Variants in ERBIN observed in about 807,000 individuals in gnomAD.
The protein encoded by ERBIN is densin-180-like protein.
In ERBIN, 60 loss-of-function variants were observed where a neutral mutation model predicts 158.4. The ratio of observed to expected loss-of-function variants is 0.38; its 90% CI spans 0.31 to 0.47. The LOEUF is 0.47. ERBIN is among the 20% of genes least tolerant of loss of function. The pLI, the probability that ERBIN is intolerant of heterozygous loss-of-function variation, is 0.99. For synonymous variants in ERBIN, 594 were observed against 557.2 expected, an observed-to-expected ratio of 1.07 and a Z score of -0.93; for missense variants, 1,610 against 1,648.0, an observed-to-expected ratio of 0.98 and a Z score of 0.40.
intron 23 of ERBIN, 28 bp downstream of exon 23, chr5:66,075,258 A>C (rs1379814066): frequency 5.8e-6 from 9 of 1,557,862 alleles, no homozygotes; most frequent in Non-Finnish European, 8.0e-6. Context: ...TATTTGAAAT[A>C]TGGGACTAAG....
chr5:66,015,586 C>T (rs941717146), intron 7 of ERBIN, among the ~76,000 whole-genome samples: 1 of 152,088 alleles, frequency 6.6e-6, no homozygotes, highest in African/African-American at 2.4e-5. Context: ...TGGCCCTTTA[C>T]AGAAAAAATT....
intron 1 of ERBIN, among the ~76,000 whole-genome samples, chr5:65,972,514 T>C (rs913082030): frequency 6.6e-6 from 1 of 151,576 alleles, no homozygotes; most frequent in Non-Finnish European, 1.5e-5. Context: ...ACAGAAAAAT[T>C]TAAAGAATAT....
chr5:66,065,066 A>G (rs934491074), intron 21 of ERBIN, among the ~76,000 whole-genome samples: 3 of 152,182 alleles, frequency 2.0e-5, no homozygotes, highest in African/African-American at 7.2e-5. Context: ...GTGGTATAGT[A>G]TAAAAGTTTG....
At chr5:66,065,074 T>C (rs1319399683) in intron 21 of ERBIN, among the ~76,000 whole-genome samples, 1 of 152,092 alleles carries the variant, frequency 6.6e-6, no homozygotes, top group African/African-American at 2.4e-5. Context: ...GTATAAAAGT[T>C]TGGCAAAAAA....
chr5:66,013,138 C>G (rs1168724400), intron 5 of ERBIN, among the ~76,000 whole-genome samples: 1 of 152,108 alleles, frequency 6.6e-6, no homozygotes, highest in Non-Finnish European at 1.5e-5. Flanking sequence ...CTATGTACAA[C>G]AAAGAATTAT....
chr5:66,053,914 T>C lies in ERBIN; in HGVS notation c.2596T>C (p.Ser866Pro), dbSNP rs1171647241. ...LSPQKSGPVG[S>P]VVKSHSITNM... ...CCCTCAGAAAAGTGGTCCAGTTGGA[T>C]CTGTTGTGAAATCTCATAGCATAAC... The change falls in exon 21 of 26, where the codon TCT (serine) becomes CCT (proline). Residue 866 changes from serine to proline, a missense_variant. Coordinates refer to ENST00000284037, the MANE Select transcript of ERBIN (RefSeq NM_001253697.2). 1.9e-6 allele frequency: 3 copies of C among 1,614,104 alleles called. No individual in the cohort carries two copies. In the South Asian group the frequency reaches 3.3e-5, roughly 18 times the overall value.
chr5:65,931,033 GTGGAAGACGATAGAAAAGGAGAATA>G (rs1743309687), intron 1 of ERBIN, among the ~76,000 whole-genome samples: 1 of 141,600 alleles, frequency 7.1e-6, no homozygotes, highest in African/African-American at 3.2e-5. Flanking sequence ...AATTCACTTT[GTGGAAGACGATAGAAAAGGAGAATA>G]TCTAAAAATT....
chr5:66,067,819 TAAAA>T (rs1251608197), intron 21 of ERBIN, among the ~76,000 whole-genome samples: 1 of 151,734 alleles, frequency 6.6e-6, no homozygotes, highest in Non-Finnish European at 1.5e-5. Flanking sequence ...ACATGAAAAA[TAAAA>T]AAACTAGCCA....
chr5:66,031,404 GTT>G (rs1233670723), intron 14 of ERBIN, among the ~76,000 whole-genome samples: 5 of 152,200 alleles, frequency 3.3e-5, no homozygotes, highest in African/African-American at 4.8e-5. Context: ...TATTTAGAAA[GTT>G]ACTTTAATAC....
chr5:65,957,476 C>G (rs1747308814), intron 1 of ERBIN, among the ~76,000 whole-genome samples: 1 of 152,142 alleles, frequency 6.6e-6, no homozygotes, highest in Non-Finnish European at 1.5e-5. Flanking sequence ...TTGCACCGCC[C>G]TTAATCCATT....
chr5:66,066,212 T>C (rs997668903), intron 21 of ERBIN, among the ~76,000 whole-genome samples: 8 of 152,158 alleles, frequency 5.3e-5, no homozygotes, highest in African/African-American at 1.9e-4. Flanking sequence ...TACATAAATA[T>C]ATTACTAATT....
chr5:66,003,208 C>G (rs1753188301), intron 4 of ERBIN, among the ~76,000 whole-genome samples: 1 of 152,146 alleles, frequency 6.6e-6, no homozygotes, highest in Non-Finnish European at 1.5e-5. Context: ...CTCCTGTTGA[C>G]TTAAATTCAA....
intron 2 of ERBIN, among the ~76,000 whole-genome samples, chr5:65,990,917 C>T (rs1173783553): frequency 1.3e-5 from 2 of 151,890 alleles, no homozygotes; most frequent in East Asian, 1.9e-4. Context: ...CCCGCCACCA[C>T]GCCTGGCTAA....
intron 4 of ERBIN, among the ~76,000 whole-genome samples, chr5:65,998,233 T>A (rs11955753): frequency 0.027 from 3,923 of 145,338 alleles, 75 homozygotes; most frequent in East Asian, 0.064. Context: ...CAAAAAAAAA[T>A]ATATATATAT....
rs187504330 is a variant in ERBIN, at chr5:66,053,927, C to A, written c.2609C>A (p.Ser870Tyr). ...KSGPVGSVVK[S>Y]HSITNMEIGG... ...GGTCCAGTTGGATCTGTTGTGAAAT[C>A]TCATAGCATAACTAATATGGAGATT... is the stretch of plus-strand genomic sequence containing the variant. Residue 870 changes from serine (S) to tyrosine (Y), a missense_variant, in exon 21 of 26, where the codon TCT becomes TAT. Around this residue, in one of 2 missense-constraint regions of ERBIN, gnomAD observed 1,014 missense variants for 936.1 expected, o/e 1.08. Coordinates refer to ENST00000284037, the MANE Select transcript of ERBIN (RefSeq NM_001253697.2). 4 of 1,614,082 alleles carry A rather than the reference C, an allele frequency of 2.5e-6. No homozygotes were observed. In the East Asian group the frequency reaches 8.9e-5, roughly 36 times the overall value.
intron 1 of ERBIN, among the ~76,000 whole-genome samples, chr5:65,940,158 C>A (rs1168146993): frequency 1.3e-5 from 2 of 151,346 alleles, no homozygotes; most frequent in East Asian, 2.0e-4. Flanking sequence ...CTCTGCCCGG[C>A]CGCCCATCGT....
chr5:65,967,716 C>A (rs1748819210), intron 1 of ERBIN, among the ~76,000 whole-genome samples: 1 of 152,204 alleles, frequency 6.6e-6, no homozygotes, highest in African/African-American at 2.4e-5. Flanking sequence ...GTTAATCAGA[C>A]CTTATACCAA....
At position 66,026,293 on chromosome 5, in the gene ERBIN, C is replaced by G. The variant is rs763102280; in HGVS notation, c.1021-9C>G. ...ATTTTTTGATACTCAGTTTATATTT[C>G]TCTTTCAGATTGGAAGCTGGAAAAA... On this transcript the variant is annotated splice_polypyrimidine_tract_variant and intron_variant, in intron 12 of 25. Transcript: ENST00000284037. The G allele has an allele frequency of 2.6e-6, 4 of 1,556,052 alleles. No homozygotes were observed. The East Asian group carries it at 7.1e-5, about 28-fold the overall frequency.
chr5:65,992,797 C>CT lies in ERBIN; in HGVS notation c.81dup (p.Asp28Ter), dbSNP rs764190152. On this transcript the variant is annotated frameshift_variant, in exon 3 of 26. Transcript: ENST00000284037. LOFTEE classifies it high-confidence loss of function. ...AGGGGAAGAGGAGACTGTCACTACT[C>CT]TTGATTATTCTCATTGCAGCTTAGA... 1.9e-6 allele frequency: 3 copies of CT among 1,613,804 alleles called. No homozygotes were observed. Among genetic ancestry groups the CT allele is most frequent in the Non-Finnish European group, 2.5e-6 (3 of 1,179,826 alleles).
Sources: gnomAD v4.1 joint callset for allele counts (sites outside exome capture counted in the v4.1 genomes callset) on GRCh38, gnomAD v4.1.1 for gene constraint, gnomAD v4.1.1 regional missense constraint, MANE v1.5 for transcripts, NCBI Gene and HGNC (gene_info 2026-07-23, HGNC 2026-07-21) for gene names.